Variants in CROCC2 observed in about 807,000 individuals in gnomAD.
The protein encoded by CROCC2 is ciliary rootlet coiled-coil, rootletin family member 2.
CROCC2 carries 163 observed loss-of-function variants against 177.6 expected under a neutral mutation model. The ratio of observed to expected loss-of-function variants is 0.92; its 90% confidence interval spans 0.81 to 1.05. The LOEUF (loss-of-function observed/expected upper bound fraction) is 1.05. Ranked by LOEUF, CROCC2 falls within the 50% of genes least tolerant of loss-of-function variation. The pLI is 0.00. For missense variants in CROCC2, 1,929 were observed against 1,797.8 expected (o/e 1.07, Z -1.32); for synonymous variants, 904 against 787.3 (o/e 1.15, Z -2.48).
Position 240,973,309 on chromosome 2 carries a change from G to C in CROCC2, c.4401+5047G>C, listed in dbSNP as rs1290278426. Among the ~76,000 whole-genome samples, 1 of 152,176 alleles carries C rather than the reference G, an allele frequency of 6.6e-6. No homozygotes were observed. The highest frequency in any genetic ancestry group is 2.4e-5 in the African/African-American group (1 of 41,450). ...AACAGCCGTGCAGGACCAGCCCGTGGTGTCAGGACACGCACGGAACGCAGC... is the reference window on the plus strand; with the variant it reads ...AACAGCCGTGCAGGACCAGCCCGTGCTGTCAGGACACGCACGGAACGCAGC... On this transcript the variant is annotated intron_variant, in intron 27 of 31. Transcript: ENST00000690015. This position sits in a 1 kb window ranked among gnomAD's most constrained non-coding sequence, Gnocchi z 4.7.
intron 27 of CROCC2, among the ~76,000 whole-genome samples, chr2:240,969,863 C>T (rs929343828): frequency 2.6e-5 from 4 of 151,818 alleles, no homozygotes; most frequent in Admixed American, 6.6e-5. Flanking sequence ...CCCAAGTAGT[C>T]GGGATTACAG....
intron 14 of CROCC2, among the ~76,000 whole-genome samples, chr2:240,944,841 T>C (rs2059514168): frequency 6.6e-6 from 1 of 152,192 alleles, no homozygotes; most frequent in African/African-American, 2.4e-5. Flanking sequence ...AGATCTTGAT[T>C]AGTCAATCTT....
At chr2:240,969,478 G>A (rs1307492338) in intron 27 of CROCC2, among the ~76,000 whole-genome samples, 3 of 152,220 alleles carry the variant, frequency 2.0e-5, no homozygotes, top group Non-Finnish European at 4.4e-5. Context: ...GTTTTGGAAA[G>A]ACCCTTCTGG....
At chr2:240,939,959 A>G (rs1273725614) in intron 14 of CROCC2, among the ~76,000 whole-genome samples, 1 of 152,182 alleles carries the variant, frequency 6.6e-6, no homozygotes, top group Non-Finnish European at 1.5e-5. Context: ...TCTGTTGTCT[A>G]TCTTGAACAC....
At chr2:240,923,130 T>C (rs2059367490) in intron 4 of CROCC2, among the ~76,000 whole-genome samples, 1 of 152,158 alleles carries the variant, frequency 6.6e-6, no homozygotes, top group Admixed American at 6.5e-5. Flanking sequence ...GGTGCCAGCC[T>C]TCCACGTGGC....
rs1485047074 is a variant in CROCC2, at chr2:240,955,964, C to G, written c.2935C>G (p.Gln979Glu). 1 of 1,534,222 alleles carries G rather than the reference C, an allele frequency of 6.5e-7. No homozygotes were observed. The highest frequency in any genetic ancestry group is 8.7e-7 in the Non-Finnish European group (1 of 1,146,670). ...GCAGGAGGCACAGAGCCAGCAGGAG[C>G]AAGCGCAGGTGAGCCCCATGCAGCC... ...VQQEAQSQQEQAQATISATTE... is the reference protein window; with the variant it reads ...VQQEAQSQQEEAQATISATTE... Residue 979 changes from glutamine to glutamate, a missense_variant, in exon 19 of 32, where the codon CAA (glutamine) becomes GAA (glutamate). This residue lies in a region of CROCC2 where 1,397 missense variants were observed against 1,239.9 expected (regional missense o/e 1.13). Transcript: ENST00000690015.
intron 29 of CROCC2, 126 bp from the exon 30 acceptor site, chr2:240,989,528 G>A (rs1239908659): frequency 2.2e-6 from 2 of 915,528 alleles, no homozygotes; most frequent in Non-Finnish European, 3.3e-6. Context: ...TCCTGGCCAG[G>A]TCAACACCGG....
intron 1 of CROCC2, among the ~76,000 whole-genome samples, chr2:240,910,960 G>A (rs1025582947): frequency 1.6e-4 from 24 of 152,002 alleles, no homozygotes; most frequent in Admixed American, 4.6e-4. Context: ...GTGAAACCCC[G>A]TCTCTACTGA....
At chr2:240,963,861 CA>C (rs1294035061) in intron 21 of CROCC2, 88 bp downstream of exon 21, 1 of 1,372,822 alleles carries the variant, frequency 7.3e-7, no homozygotes. Flanking sequence ...GGGGGCTAGG[CA>C]GGGGCGTCCT....
intron 31 of CROCC2, among the ~76,000 whole-genome samples, chr2:240,992,623 G>A (rs1463607069): frequency 6.6e-6 from 1 of 152,252 alleles, no homozygotes; most frequent in Non-Finnish European, 1.5e-5. Context: ...GAAGAGCTTG[G>A]TGACCCATGA....
chr2:240,963,965 G>T (rs2059659818), intron 21 of CROCC2, 192 bp downstream of exon 21: 12 of 624,704 alleles, frequency 1.9e-5, no homozygotes, highest in Middle Eastern at 4.3e-4. Context: ...CCAGTGCGAG[G>T]GATGGCTGAG....
At chr2:240,922,736 CA>C in intron 4 of CROCC2, 91 bp downstream of exon 4, 1 of 488,650 alleles carries the variant, frequency 2.0e-6, no homozygotes, top group South Asian at 3.0e-5. Context: ...GGGCTACTGA[CA>C]GCTCTTCCCA....
At chr2:240,923,238 C>A (rs2059368637) in intron 4 of CROCC2, among the ~76,000 whole-genome samples, 2 of 151,272 alleles carry the variant, frequency 1.3e-5, no homozygotes, top group African/African-American at 4.9e-5. Context: ...TCATGAATGA[C>A]AGGGAGAGAG....
At chr2:240,963,482 G>A in intron 20 of CROCC2, 74 bp from the exon 21 acceptor site, 1 of 1,397,598 alleles carries the variant, frequency 7.2e-7, no homozygotes, top group Non-Finnish European at 9.5e-7. Context: ...CCATGTCAGA[G>A]GCCACAGGCC....
At chr2:240,952,359 G>A (rs896506052) in intron 18 of CROCC2, among the ~76,000 whole-genome samples, 3 of 150,522 alleles carry the variant, frequency 2.0e-5, no homozygotes, top group Admixed American at 6.6e-5. Context: ...AGGAGTTACA[G>A]TAGCCGAAAT....
chr2:240,935,154 C>A, intron 13 of CROCC2, 92 bp downstream of exon 13: 1 of 1,295,760 alleles, frequency 7.7e-7, no homozygotes, highest in South Asian at 2.5e-5. Context: ...TCCATCCTCC[C>A]AGATCACTTC....
rs770569755 is a variant in CROCC2 at position 240,917,416 on chromosome 2, TG to T, written c.79-1305del. Among the ~76,000 whole-genome samples, 4 of 150,934 alleles carry T rather than the reference TG, an allele frequency of 2.7e-5. No individual in the cohort carries two copies. Among genetic ancestry groups the T allele is most frequent in the Non-Finnish European group, 5.9e-5 (4 of 67,710 alleles). ...GGCCTGGCTGGGGTTGGGAGGAGGG[TG>T]GGGGAGCAGGGCACAGCCACCAGCC... On this transcript the variant is annotated intron_variant, in intron 1 of 31. Coordinates refer to ENST00000690015, the MANE Select transcript of CROCC2 (RefSeq NM_001351305.2). The surrounding 1 kb of genome is among the most constrained non-coding windows in gnomAD (Gnocchi z 4.9).
chr2:240,961,836 CAT>C (rs1331337846), intron 20 of CROCC2, among the ~76,000 whole-genome samples: 1 of 130,958 alleles, frequency 7.6e-6, no homozygotes, highest in Non-Finnish European at 1.6e-5. Flanking sequence ...CGCACGCACA[CAT>C]ACACTCATGA....
At position 240,960,585 on chromosome 2, in the gene CROCC2, C is replaced by G. The variant is rs903430784; in HGVS notation, c.3087+1141C>G. 6.6e-6 allele frequency among the ~76,000 whole-genome samples: 1 copy of G among 152,028 alleles called. No homozygotes were observed. Among genetic ancestry groups the G allele is most frequent in the Non-Finnish European group, 1.5e-5 (1 of 67,966 alleles). ...AGGGGAGGGTCAGCTGGAGCCCCAG[C>G]GGGGCCCACGGGGACGGGGCGACCT... On this transcript the variant is annotated intron_variant, in intron 20 of 31. Coordinates refer to ENST00000690015, the MANE Select transcript of CROCC2 (RefSeq NM_001351305.2). The surrounding 1 kb of genome is among the most constrained non-coding windows in gnomAD (Gnocchi z 5.0).
Sources: gnomAD v4.1 joint callset for allele counts (sites outside exome capture counted in the v4.1 genomes callset) on GRCh38, gnomAD v4.1.1 for gene constraint, gnomAD v4.1.1 regional missense constraint, Gnocchi (gnomAD v3.1) non-coding constraint, MANE v1.5 for transcripts, NCBI Gene and HGNC (gene_info 2026-07-23, HGNC 2026-07-21) for gene names.